Variants in DNAH9 observed in about 807,000 individuals in gnomAD.
DNAH9 encodes DNAH9 variant protein.
DNAH9 carries 345 observed loss-of-function variants against 471.6 expected under a neutral mutation model. That is an observed-to-expected ratio of 0.73 (90% confidence interval 0.67 to 0.80). The LOEUF is 0.80. Among genes scored for constraint, DNAH9 ranks in the 30% least tolerant of loss-of-function variants. The pLI, the probability that DNAH9 is intolerant of heterozygous loss-of-function variation, is 0.00. For synonymous variants in DNAH9, 2,093 were observed against 2,123.6 expected, an observed-to-expected ratio of 0.99 and a Z score of 0.40; for missense variants, 5,407 against 5,609.2, an observed-to-expected ratio of 0.96 and a Z score of 1.15.
intron 45 of DNAH9, among the ~76,000 whole-genome samples, chr17:11,812,783 C>G (rs1969972536): frequency 6.6e-6 from 1 of 152,130 alleles, no homozygotes; most frequent in African/African-American, 2.4e-5. Context: ...TTTTTCCTTT[C>G]TTAAATGCAA....
intron 6 of DNAH9, chr17:11,620,028 T>A (rs2072822919): frequency 2.0e-6 from 1 of 492,112 alleles, no homozygotes; most frequent in Non-Finnish European, 3.6e-6. Flanking sequence ...CGGGCCAACA[T>A]GGCAAAACGC....
At chr17:11,774,412 A>G (rs142423099) in intron 38 of DNAH9, among the ~76,000 whole-genome samples, 159 of 152,310 alleles carry the variant, frequency 1.0e-3, no homozygotes, top group African/African-American at 3.3e-3. Flanking sequence ...TTTATAAAGG[A>G]CAGAGGTTTA....
chr17:11,818,430 A>ATTTTTT (rs1970184139), intron 45 of DNAH9, among the ~76,000 whole-genome samples: 3 of 139,600 alleles, frequency 2.1e-5, no homozygotes, highest in African/African-American at 8.8e-5. Context: ...TCCGTATTTA[A>ATTTTTT]AAAAAAAAAA....
At chr17:11,686,959 G>A (rs192017019) in intron 19 of DNAH9, among the ~76,000 whole-genome samples, 2 of 152,260 alleles carry the variant, frequency 1.3e-5, no homozygotes, top group Admixed American at 6.5e-5. Context: ...ATAAAAAGTG[G>A]AACCTACACA....
In DNAH9 at chr17:11,943,636, C is replaced by T. The variant is rs185860522; in HGVS notation, c.12843+1151C>T. On this transcript the variant is annotated intron_variant, in intron 67 of 68. Coordinates refer to ENST00000262442, the MANE Select transcript of DNAH9 (RefSeq NM_001372.4). ...AGCTTGCAGTGAGCCGAGATCGCAC[C>T]GCTGCACTCCAGCCTGGGTGACAGA... 4.6e-5 allele frequency among the ~76,000 whole-genome samples: 7 copies of T among 152,160 alleles called. No individual in the cohort carries two copies. The East Asian group carries it at 9.7e-4, about 21-fold the overall frequency.
intron 26 of DNAH9, among the ~76,000 whole-genome samples, chr17:11,718,947 C>A (rs576682412): frequency 6.6e-6 from 1 of 152,138 alleles, no homozygotes; most frequent in East Asian, 1.9e-4. Flanking sequence ...TCATCCAGGT[C>A]GACTTAAAGA....
At chr17:11,880,861 C>A (rs1251376249) in intron 54 of DNAH9, among the ~76,000 whole-genome samples, 1 of 152,088 alleles carries the variant, frequency 6.6e-6, no homozygotes, top group African/African-American at 2.4e-5. Context: ...CTATTGCTGG[C>A]GTATAAAGCA....
chr17:11,876,210 A>G (rs759878701), intron 53 of DNAH9, among the ~76,000 whole-genome samples: 78 of 152,230 alleles, frequency 5.1e-4, no homozygotes, highest in Non-Finnish European at 7.5e-4. Context: ...ATGGATAAAC[A>G]AAATGTGATG....
chr17:11,919,387 C>T (rs1415761733), intron 61 of DNAH9, among the ~76,000 whole-genome samples: 9 of 149,042 alleles, frequency 6.0e-5, no homozygotes, highest in African/African-American at 1.2e-4. Context: ...CCCAGCTACT[C>T]GGGAGGCTGA....
At position 11,623,029 on chromosome 17, in the gene DNAH9, A is replaced by G. The variant is rs904746105; in HGVS notation, c.1350+3248A>G. Among the ~76,000 whole-genome samples, 6 of 137,666 alleles carry G rather than the reference A, an allele frequency of 4.4e-5. No individual in the cohort carries two copies. Among genetic ancestry groups the G allele is most frequent in the African/African-American group, 8.2e-5 (3 of 36,404 alleles). The allele number at this position is 137,666 out of a possible 152,430, so 90.3% of individuals were successfully genotyped here. A position where few individuals can be genotyped will look rare whatever the true frequency, so the allele number is the denominator to read the frequency against. The stretch of plus-strand genomic sequence containing the variant: ...GCTCTTGTTGCCCAGGCTGGAGTGC[A>G]GTGGCACAATCTCGGCTCACGACAA... On this transcript the variant is annotated intron_variant, in intron 6 of 68. Transcript: ENST00000262442. This position sits in a 1 kb window ranked among gnomAD's most constrained non-coding sequence, Gnocchi z 4.1.
intron 26 of DNAH9, among the ~76,000 whole-genome samples, chr17:11,716,652 C>G (rs192696490): frequency 2.0e-5 from 3 of 152,318 alleles, no homozygotes; most frequent in Non-Finnish European, 4.4e-5. Context: ...TTCAGGAACT[C>G]TTAACTTTTT....
chr17:11,693,021 T>G (rs111690047), intron 20 of DNAH9, among the ~76,000 whole-genome samples: 3,617 of 149,096 alleles, frequency 0.024, 150 homozygotes, highest in African/African-American at 0.083. Flanking sequence ...TTCTCCTGCC[T>G]CAGCCTCCTG....
chr17:11,914,944 C>T (rs1015076922), intron 61 of DNAH9, among the ~76,000 whole-genome samples: 3 of 152,192 alleles, frequency 2.0e-5, no homozygotes, highest in Admixed American at 2.0e-4. Flanking sequence ...CCAAGTTTCT[C>T]ATGCCAGAAA....
At chr17:11,616,590 G>A (rs990407896) in intron 4 of DNAH9, among the ~76,000 whole-genome samples, 1 of 152,188 alleles carries the variant, frequency 6.6e-6, no homozygotes, top group Non-Finnish European at 1.5e-5. Flanking sequence ...TTCCTTGGTT[G>A]TATTCAGAGG....
intron 38 of DNAH9, among the ~76,000 whole-genome samples, chr17:11,773,832 A>T (rs142886172): frequency 0.01 from 1,586 of 152,332 alleles, 30 homozygotes; most frequent in African/African-American, 0.037. Flanking sequence ...ACTTAGCCTT[A>T]TGAGTGCAGC....
chr17:11,823,201 C>A (rs1047302239), intron 48 of DNAH9, among the ~76,000 whole-genome samples, 167 bp downstream of exon 48: 1 of 152,128 alleles, frequency 6.6e-6, no homozygotes, highest in African/African-American at 2.4e-5. Context: ...TGCTTTCATC[C>A]CTTTGGCTTT....
chr17:11,669,565 G>C lies in DNAH9; in HGVS notation c.3124G>C (p.Asp1042His), dbSNP rs1395330393. The change falls in exon 17 of 69, where the codon GAC becomes CAC. Residue 1042 changes from aspartate to histidine, a missense_variant. Transcript: ENST00000262442. ...CATCCTCACTCCGGAAGAAATTGAA[G>C]ACCATGTGGAAGATGGCATCCCAGA... is the stretch of plus-strand genomic sequence containing the variant. ...GHILTPEEIE[D>H]HVEDGIPENP... The C allele has an allele frequency of 1.2e-6, 2 of 1,614,026 alleles. No individual in the cohort carries two copies. Among genetic ancestry groups the C allele is most frequent in the South Asian group, 1.1e-5 (1 of 91,078 alleles).
intron 41 of DNAH9, among the ~76,000 whole-genome samples, chr17:11,787,131 C>T (rs970069266): frequency 2.0e-5 from 3 of 152,276 alleles, no homozygotes; most frequent in East Asian, 1.9e-4. Flanking sequence ...GGTAGCCCAC[C>T]GGGCCAGAGT....
At chr17:11,784,657 T>TGATTAC in intron 41 of DNAH9, 118 bp downstream of exon 41, 1 of 1,430,478 alleles carries the variant, frequency 7.0e-7, no homozygotes, top group Non-Finnish European at 9.6e-7. Flanking sequence ...CCACTGTTCA[T>TGATTAC]ATGTAATCAT....
Sources: gnomAD v4.1 joint callset for allele counts (sites outside exome capture counted in the v4.1 genomes callset) on GRCh38, gnomAD v4.1.1 for gene constraint, Gnocchi (gnomAD v3.1) non-coding constraint, MANE v1.5 for transcripts, NCBI Gene and HGNC (gene_info 2026-07-23, HGNC 2026-07-21) for gene names.